ANO6: variants seen among roughly 807,000 people sequenced by gnomAD.
The protein encoded by ANO6 is anoctamin-6.
Under a neutral mutation model 117.5 loss-of-function variants are expected in ANO6, and 106 were observed. That is an observed-to-expected ratio of 0.90 (90% CI 0.77 to 1.06). The LOEUF is 1.06. Ranked by LOEUF, ANO6 falls within the 50% of genes least tolerant of loss-of-function variation. The pLI is 0.00. For missense variants in ANO6, 955 were observed against 1,121.1 expected (o/e 0.85, Z 2.12); for synonymous variants, 367 against 385.1 (o/e 0.95, Z 0.55).
intron 2 of ANO6, among the ~76,000 whole-genome samples, chr12:45,319,748 G>C (rs1449730623): frequency 6.6e-6 from 1 of 152,072 alleles, no homozygotes; most frequent in Non-Finnish European, 1.5e-5. Flanking sequence ...ATCTGGTCCT[G>C]GACTCTTTTT....
At chr12:45,344,886 G>A (rs548652326) in intron 3 of ANO6, among the ~76,000 whole-genome samples, 1 of 152,292 alleles carries the variant, frequency 6.6e-6, no homozygotes, top group East Asian at 1.9e-4. Flanking sequence ...TGGTGGGTCA[G>A]GGGTGGAAAG....
intron 2 of ANO6, among the ~76,000 whole-genome samples, chr12:45,314,216 A>G (rs775197254): frequency 1.2e-4 from 19 of 152,016 alleles, no homozygotes; most frequent in Non-Finnish European, 2.6e-4. Flanking sequence ...TGAAGGCCCA[A>G]GCTCCACTTT....
chr12:45,280,164 T>G (rs1938676848), intron 1 of ANO6, among the ~76,000 whole-genome samples: 2 of 152,254 alleles, frequency 1.3e-5, no homozygotes, highest in Admixed American at 1.3e-4. Context: ...TCAGGAAATG[T>G]GTCCTTCCCA....
chr12:45,358,365 G>C lies in ANO6; in HGVS notation c.998+941G>C, dbSNP rs1313883021. On this transcript the variant is annotated intron_variant, in intron 8 of 19. Transcript: ENST00000320560. ...TTGAAAGCTGCAGATGGCTTTTGAAGTACTCTTCCCTCCTCACTGAAAAAG... is the reference window on the plus strand; with the variant it reads ...TTGAAAGCTGCAGATGGCTTTTGAACTACTCTTCCCTCCTCACTGAAAAAG... Among the ~76,000 whole-genome samples, 3 of 152,124 alleles carry C rather than the reference G, an allele frequency of 2.0e-5. No homozygotes were observed. The East Asian group carries it at 5.8e-4, about 29-fold the overall frequency.
chr12:45,216,710 G>T (rs1327323712), intron 1 of ANO6, among the ~76,000 whole-genome samples: 1 of 152,254 alleles, frequency 6.6e-6, no homozygotes, highest in African/African-American at 2.4e-5. Flanking sequence ...GCAACTTTGG[G>T]GTCACTTCCC....
At chr12:45,312,563 C>A (rs1213596138) in intron 2 of ANO6, among the ~76,000 whole-genome samples, 1 of 151,834 alleles carries the variant, frequency 6.6e-6, no homozygotes, top group Non-Finnish European at 1.5e-5. Context: ...TTTCTGAGGT[C>A]CCATTAGTTA....
At chr12:45,395,756 A>G (rs757553749) in intron 12 of ANO6, among the ~76,000 whole-genome samples, 3 of 152,248 alleles carry the variant, frequency 2.0e-5, no homozygotes, top group Non-Finnish European at 4.4e-5. Flanking sequence ...GATTATATCA[A>G]TAGATGCAGA....
At chr12:45,406,376 G>T (rs577305881) in intron 15 of ANO6, among the ~76,000 whole-genome samples, 2 of 152,276 alleles carry the variant, frequency 1.3e-5, no homozygotes, top group East Asian at 3.9e-4. Flanking sequence ...ATTTTATTCT[G>T]TTCTTAATAA....
intron 2 of ANO6, among the ~76,000 whole-genome samples, chr12:45,321,512 C>T (rs1311994885): frequency 6.6e-6 from 1 of 152,150 alleles, no homozygotes; most frequent in Non-Finnish European, 1.5e-5. Context: ...ACAGAAAAGT[C>T]ATTGACAATT....
chr12:45,344,924 C>T (rs1941085926), intron 3 of ANO6, among the ~76,000 whole-genome samples: 1 of 151,986 alleles, frequency 6.6e-6, no homozygotes, highest in South Asian at 2.1e-4. Context: ...GGATGAATTG[C>T]GGAGCTGGTG....
intron 9 of ANO6, among the ~76,000 whole-genome samples, chr12:45,372,402 A>G (rs1333559950): frequency 7.0e-6 from 1 of 142,332 alleles, no homozygotes; most frequent in Non-Finnish European, 1.5e-5. Flanking sequence ...TCCAAGACAC[A>G]TAATTGTCAG....
intron 19 of ANO6, among the ~76,000 whole-genome samples, chr12:45,423,626 C>T (rs1255882703): frequency 6.6e-6 from 1 of 152,162 alleles, no homozygotes; most frequent in African/African-American, 2.4e-5. Flanking sequence ...GTTGATTCCC[C>T]TCCCCACAAC....
intron 1 of ANO6, among the ~76,000 whole-genome samples, chr12:45,233,852 C>A (rs1947609052): frequency 6.6e-6 from 1 of 152,138 alleles, no homozygotes; most frequent in Admixed American, 6.5e-5. Context: ...GAGCTTCGTT[C>A]TAAAGAAATC....
chr12:45,319,237 A>C (rs1204000206), intron 2 of ANO6, among the ~76,000 whole-genome samples: 2 of 152,176 alleles, frequency 1.3e-5, no homozygotes, highest in Non-Finnish European at 2.9e-5. Context: ...ATTCAGTATG[A>C]TATTGGCTGT....
chr12:45,287,929 A>G (rs930215205), intron 1 of ANO6, among the ~76,000 whole-genome samples: 1 of 152,204 alleles, frequency 6.6e-6, no homozygotes, highest in African/African-American at 2.4e-5. Context: ...ATAAAACATA[A>G]CAATTTTTAA....
chr12:45,367,107 G>A (rs1200313922), intron 8 of ANO6, among the ~76,000 whole-genome samples: 4 of 152,088 alleles, frequency 2.6e-5, no homozygotes, highest in African/African-American at 7.2e-5. Context: ...TCAGCTTCTC[G>A]AGTAGCTGGG....
intron 1 of ANO6, among the ~76,000 whole-genome samples, chr12:45,233,933 A>T (rs1476372440): frequency 6.6e-6 from 1 of 152,220 alleles, no homozygotes; most frequent in Non-Finnish European, 1.5e-5. Flanking sequence ...TGTGTTATAG[A>T]TATCAGTAGT....
chr12:45,244,739 C>A (rs1283984744), intron 1 of ANO6, among the ~76,000 whole-genome samples: 1 of 152,130 alleles, frequency 6.6e-6, no homozygotes, highest in Non-Finnish European at 1.5e-5. Flanking sequence ...ACTGAGGTTT[C>A]GTAAGGTTTG....
chr12:45,331,236 AT>A, intron 2 of ANO6, 58 bp from the exon 3 acceptor site: 1 of 1,454,130 alleles, frequency 6.9e-7, no homozygotes, highest in East Asian at 2.3e-5. Flanking sequence ...ATTAACACTT[AT>A]AAGTCAGCAT....
Sources: gnomAD v4.1 joint callset for allele counts (sites outside exome capture counted in the v4.1 genomes callset) on GRCh38, gnomAD v4.1.1 for gene constraint, MANE v1.5 for transcripts, NCBI Gene and HGNC (gene_info 2026-07-23, HGNC 2026-07-21) for gene names.